Variants in NR3C1 observed in about 807,000 individuals in gnomAD.
NR3C1 encodes glucocorticoid receptor.
A neutral mutation model predicts 74.0 loss-of-function variants in NR3C1; 14 were observed. The observed-to-expected ratio is 0.19, with a 90% CI of 0.12 to 0.30. The LOEUF (loss-of-function observed/expected upper bound fraction) is 0.30. Among genes scored for constraint, NR3C1 ranks in the 10% least tolerant of loss-of-function variants. The pLI is 1.00. For missense variants in NR3C1, 695 were observed against 909.8 expected, an observed-to-expected ratio of 0.76 and a Z score of 3.04; for synonymous variants, 308 against 332.5, an observed-to-expected ratio of 0.93 and a Z score of 0.80.
intron 2 of NR3C1, among the ~76,000 whole-genome samples, chr5:143,318,146 C>T (rs1400009564): frequency 6.6e-6 from 1 of 152,032 alleles, no homozygotes; most frequent in African/African-American, 2.4e-5. Flanking sequence ...TACCCTACCC[C>T]CAAGGATTAC....
chr5:143,417,125 G>T (rs1750947671), intron 1 of NR3C1, among the ~76,000 whole-genome samples: 1 of 152,028 alleles, frequency 6.6e-6, no homozygotes, highest in African/African-American at 2.4e-5. Flanking sequence ...GTTTATAGTA[G>T]ATTTGGTAAT....
At chr5:143,315,537 A>T (rs1040233568) in intron 2 of NR3C1, among the ~76,000 whole-genome samples, 28 of 152,202 alleles carry the variant, frequency 1.8e-4, no homozygotes, top group Non-Finnish European at 4.1e-4. Flanking sequence ...TCTCTAAAAA[A>T]GATGGAACTT....
chr5:143,322,560 G>A (rs985716849), intron 2 of NR3C1, among the ~76,000 whole-genome samples: 1 of 152,136 alleles, frequency 6.6e-6, no homozygotes, highest in African/African-American at 2.4e-5. Flanking sequence ...ACTGTGTGAC[G>A]ATCTGTGTCA....
intron 8 of NR3C1, 91 bp downstream of exon 8, chr5:143,282,477 G>A: frequency 2.8e-6 from 4 of 1,438,338 alleles, no homozygotes; most frequent in Non-Finnish European, 3.9e-6. Flanking sequence ...GGGCGGGGGT[G>A]GGGGCGCTGC....
intron 2 of NR3C1, among the ~76,000 whole-genome samples, chr5:143,387,000 C>G (rs1837348802): frequency 6.6e-6 from 1 of 152,146 alleles, no homozygotes; most frequent in Non-Finnish European, 1.5e-5. Context: ...AAGTGGTGTT[C>G]TAGGAAGATT....
intron 2 of NR3C1, among the ~76,000 whole-genome samples, chr5:143,386,123 A>G (rs1837173600): frequency 6.6e-6 from 1 of 152,230 alleles, no homozygotes; most frequent in Admixed American, 6.5e-5. Context: ...CAGTGAGTGA[A>G]GAGGGAAGTG....
At chr5:143,297,667 AG>A (rs1276814539) in intron 6 of NR3C1, among the ~76,000 whole-genome samples, 1 of 152,190 alleles carries the variant, frequency 6.6e-6, no homozygotes, top group African/African-American at 2.4e-5. Context: ...TTCTTAGACC[AG>A]GGGTATGTGT....
At chr5:143,410,885 G>A (rs896493994) in intron 1 of NR3C1, among the ~76,000 whole-genome samples, 5 of 152,182 alleles carry the variant, frequency 3.3e-5, no homozygotes, top group East Asian at 1.9e-4. Context: ...GTAGTGCACC[G>A]GAAACAATTG....
chr5:143,313,725 T>C (rs1821450932), intron 3 of NR3C1, among the ~76,000 whole-genome samples: 1 of 152,190 alleles, frequency 6.6e-6, no homozygotes, highest in Non-Finnish European at 1.5e-5. Context: ...CTTAACACCA[T>C]CATTTCATAT....
chr5:143,340,476 A>ATTT lies in NR3C1; in HGVS notation c.1185-26311_1185-26309dup, dbSNP rs3074500. Reference sequence around the variant, plus strand: ...AGGGTTAGTTATCTCTTTAAAGATGATTTTTTTTTTTTTTTTTTTTTTTTG... The same window carrying ATTT: ...AGGGTTAGTTATCTCTTTAAAGATGATTTTTTTTTTTTTTTTTTTTTTTTTTTG... On this transcript the variant is annotated intron_variant, in intron 2 of 8. Transcript: ENST00000394464. Among the ~76,000 whole-genome samples the ATTT allele has an allele frequency of 9.0e-3, 804 of 89,126 alleles. 11 individuals are homozygous for ATTT. Among genetic ancestry groups the ATTT allele is most frequent in the East Asian group, 0.013 (39 of 2,918 alleles). The allele number at this position is 89,126 out of a possible 152,430, so 58.5% of individuals were successfully genotyped here. A position where few individuals can be genotyped will look rare whatever the true frequency, so the allele number is the denominator to read the frequency against.
At chr5:143,320,747 T>C (rs530548367) in intron 2 of NR3C1, among the ~76,000 whole-genome samples, 1 of 152,342 alleles carries the variant, frequency 6.6e-6, no homozygotes, top group South Asian at 2.1e-4. Flanking sequence ...TTCTTTCTCA[T>C]TGGAAGAATT....
chr5:143,391,656 T>C (rs1388625421), intron 2 of NR3C1, among the ~76,000 whole-genome samples: 1 of 152,198 alleles, frequency 6.6e-6, no homozygotes, highest in African/African-American at 2.4e-5. Flanking sequence ...CAAAATCCAC[T>C]GAAAACTTTG....
At chr5:143,384,915 C>T (rs1281185043) in intron 2 of NR3C1, among the ~76,000 whole-genome samples, 2 of 152,234 alleles carry the variant, frequency 1.3e-5, no homozygotes, top group Non-Finnish European at 2.9e-5. Flanking sequence ...CATGTATCTC[C>T]TCTGCACTGC....
upstream of NR3C1, among the ~76,000 whole-genome samples, chr5:143,406,680 G>T (rs1841125432): frequency 6.6e-6 from 1 of 152,142 alleles, no homozygotes; most frequent in Admixed American, 6.5e-5. Context: ...TTCAATATGA[G>T]GACAACAGGC....
rs948348055 is a variant in NR3C1, at chr5:143,402,790, G to A, written c.-14+421C>T. On this transcript the variant is annotated intron_variant, in intron 1 of 8. Transcript: ENST00000394464. ...GCGCTCGGGCGCGCCGGGGTGGCGT[G>A]CAAATATTCGGGCGAGTAAAATTCA... 18 of 985,468 alleles carry A rather than the reference G, an allele frequency of 1.8e-5. No individual in the cohort carries two copies. In the East Asian group the frequency reaches 1.6e-3, roughly 87 times the overall value. The allele number at this position is 985,468 out of a possible 1,614,324, so 61.0% of individuals were successfully genotyped here. A position where few individuals can be genotyped will look rare whatever the true frequency, so the allele number is the denominator to read the frequency against.
intron 2 of NR3C1, among the ~76,000 whole-genome samples, chr5:143,327,639 C>T (rs1824928242): frequency 6.6e-6 from 1 of 152,218 alleles, no homozygotes; most frequent in South Asian, 2.1e-4. Context: ...GTAAATGTTC[C>T]TGTTCCAAAT....
At chr5:143,393,385 C>T (rs938498616) in intron 2 of NR3C1, among the ~76,000 whole-genome samples, 1 of 152,074 alleles carries the variant, frequency 6.6e-6, no homozygotes, top group Non-Finnish European at 1.5e-5. Flanking sequence ...AATTCAAACA[C>T]AGTTGTAAAG....
At chr5:143,398,585 G>A (rs1839682097) in intron 2 of NR3C1, among the ~76,000 whole-genome samples, 1 of 151,834 alleles carries the variant, frequency 6.6e-6, no homozygotes, top group South Asian at 2.1e-4. Context: ...AACTTCAATA[G>A]TTACATACAA....
chr5:143,310,286 T>C, intron 3 of NR3C1, 73 bp from the exon 4 acceptor site: 1 of 1,082,690 alleles, frequency 9.2e-7, no homozygotes, highest in Non-Finnish European at 1.4e-6. Flanking sequence ...GCCTCTGTCT[T>C]TGTTTCCGGT....
Sources: gnomAD v4.1 joint callset for allele counts (sites outside exome capture counted in the v4.1 genomes callset) on GRCh38, gnomAD v4.1.1 for gene constraint, MANE v1.5 for transcripts, NCBI Gene and HGNC (gene_info 2026-07-23, HGNC 2026-07-21) for gene names.